Variants in PCDH15 observed in about 807,000 individuals in gnomAD.
PCDH15 encodes protocadherin-15.
A neutral mutation model predicts 178.5 loss-of-function variants in PCDH15; 129 were observed. The observed-to-expected ratio is 0.72, with a 90% CI of 0.63 to 0.84. The LOEUF (loss-of-function observed/expected upper bound fraction) is 0.84. Ranked by LOEUF, PCDH15 falls within the 40% of genes least tolerant of loss-of-function variation. The probability of loss-of-function intolerance (pLI) is 0.00; values close to 1 mark genes in which losing one functional copy is unlikely to be tolerated. For missense variants in PCDH15, 2,230 were observed against 2,099.9 expected (o/e 1.06, Z -1.21); for synonymous variants, 800 against 732.0 (o/e 1.09, Z -1.50).
chr10:54,458,590 T>C (rs192791161), intron 3 of PCDH15, among the ~76,000 whole-genome samples: 20 of 152,264 alleles, frequency 1.3e-4, no homozygotes, highest in African/African-American at 4.6e-4. Flanking sequence ...GGTGAATCTT[T>C]CCTATGGCTA....
At chr10:55,421,015 A>C (rs2132045437) in intron 2 of PCDH15, among the ~76,000 whole-genome samples, 1 of 151,820 alleles carries the variant, frequency 6.6e-6, no homozygotes, top group Admixed American at 6.6e-5. Context: ...AAATAGACAA[A>C]GTTTTTGAGC....
chr10:54,690,353 A>G (rs1224591725), intron 1 of PCDH15, among the ~76,000 whole-genome samples: 1 of 127,466 alleles, frequency 7.8e-6, no homozygotes, highest in Non-Finnish European at 1.6e-5. Context: ...CTCTGTTGCC[A>G]GGCTGGGCTG....
At chr10:54,673,950 G>A (rs2094730075) in intron 1 of PCDH15, among the ~76,000 whole-genome samples, 1 of 152,132 alleles carries the variant, frequency 6.6e-6, no homozygotes, top group South Asian at 2.1e-4. Flanking sequence ...ACATGTTTAA[G>A]TAGAATGAAT....
At chr10:54,367,622 C>G (rs961447211) in intron 5 of PCDH15, among the ~76,000 whole-genome samples, 1 of 151,740 alleles carries the variant, frequency 6.6e-6, no homozygotes, top group Non-Finnish European at 1.5e-5. Context: ...CACCTGGACA[C>G]AGGGAGGAAA....
At chr10:54,455,963 G>C (rs1446254419) in intron 3 of PCDH15, among the ~76,000 whole-genome samples, 2 of 152,214 alleles carry the variant, frequency 1.3e-5, no homozygotes, top group Non-Finnish European at 2.9e-5. Context: ...GTACACAGAA[G>C]TCAAGAATAG....
chr10:54,950,246 G>C (rs893372535), intron 2 of PCDH15, among the ~76,000 whole-genome samples: 4 of 151,922 alleles, frequency 2.6e-5, no homozygotes, highest in African/African-American at 9.7e-5. Flanking sequence ...GGGAAGCAAG[G>C]CATCTTCTTC....
At chr10:54,058,755 G>T (rs1409197379) in intron 18 of PCDH15, among the ~76,000 whole-genome samples, 1 of 150,868 alleles carries the variant, frequency 6.6e-6, no homozygotes, top group African/African-American at 2.4e-5. Context: ...GTGCAGTGGT[G>T]CAATCTCAAC....
chr10:54,780,889 A>G (rs1950293675), intron 1 of PCDH15, among the ~76,000 whole-genome samples: 1 of 152,136 alleles, frequency 6.6e-6, no homozygotes, highest in South Asian at 2.1e-4. Flanking sequence ...TAAATCAGAA[A>G]CTTAAAATGG....
At chr10:54,642,191 G>A (rs1221861635) in intron 2 of PCDH15, among the ~76,000 whole-genome samples, 1 of 152,112 alleles carries the variant, frequency 6.6e-6, no homozygotes, top group African/African-American at 2.4e-5. Context: ...TCTGTCATGT[G>A]AGAGCACAGA....
intron 2 of PCDH15, among the ~76,000 whole-genome samples, chr10:54,916,425 T>C (rs1034514087): frequency 2.0e-5 from 3 of 152,218 alleles, no homozygotes; most frequent in Non-Finnish European, 4.4e-5. Context: ...ATGTATTATA[T>C]GGATATGGCA....
intron 3 of PCDH15, among the ~76,000 whole-genome samples, chr10:54,470,070 T>C (rs981420130): frequency 5.3e-5 from 8 of 152,118 alleles, no homozygotes; most frequent in Non-Finnish European, 1.0e-4. Context: ...AGCCCCCCGG[T>C]AGTGTTTACA....
chr10:55,434,077 CTT>C (rs60921527), intron 2 of PCDH15, among the ~76,000 whole-genome samples: 2 of 90,826 alleles, frequency 2.2e-5, no homozygotes, highest in Non-Finnish European at 3.9e-5. Flanking sequence ...CTTTTCTTTT[CTT>C]TTTTTTTTTT....
chr10:54,146,950 GTA>G (rs36195637), intron 14 of PCDH15, among the ~76,000 whole-genome samples: 78 of 78,408 alleles, frequency 9.9e-4, no homozygotes, highest in South Asian at 4.2e-3. Context: ...TATATATAGT[GTA>G]TATATATATA....
rs727505253 is a variant in PCDH15, at chr10:54,378,939, G to A, written c.161C>T (p.Thr54Ile). Reference sequence around the variant, plus strand: ...GATCAGCATGTTGTCCACCAGAATTGTACCTGCAAACCAAAGAAAGGTACT... The same window carrying A: ...GATCAGCATGTTGTCCACCAGAATTATACCTGCAAACCAAAGAAAGGTACT... ...VAIDEESRNG[T>I]ILVDNMLIKG... Residue 54 changes from threonine (T) to isoleucine (I), a missense_variant, in exon 4 of 38, where the codon ACA (threonine) becomes ATA (isoleucine). Transcript: ENST00000644397. The A allele has an allele frequency of 3.1e-6, 5 of 1,613,472 alleles. No homozygotes were observed. The highest frequency in any genetic ancestry group is 4.2e-6 in the Non-Finnish European group (5 of 1,179,732).
At chr10:54,220,643 G>A (rs1376982318) in intron 9 of PCDH15, among the ~76,000 whole-genome samples, 1 of 152,022 alleles carries the variant, frequency 6.6e-6, no homozygotes, top group Admixed American at 6.6e-5. Context: ...GGCTAACACG[G>A]TGAAACCCCG....
intron 32 of PCDH15, chr10:53,823,425 G>A (rs372525229): frequency 2.5e-5 from 36 of 1,425,686 alleles, no homozygotes; most frequent in African/African-American, 1.5e-4. Context: ...TGAGAAAGAT[G>A]TTTTTATGGC....
At chr10:54,930,803 A>C (rs1190229013) in intron 2 of PCDH15, among the ~76,000 whole-genome samples, 2 of 152,202 alleles carry the variant, frequency 1.3e-5, no homozygotes, top group African/African-American at 4.8e-5. Context: ...GTAGGAATTC[A>C]GTTAATAGTT....
chr10:55,364,979 T>G (rs1845320460), intron 2 of PCDH15, among the ~76,000 whole-genome samples: 1 of 152,178 alleles, frequency 6.6e-6, no homozygotes, highest in East Asian at 1.9e-4. Flanking sequence ...AATTATCTTA[T>G]TTGTCTGCCA....
chr10:54,402,841 CACA>C (rs1952109560), intron 3 of PCDH15, among the ~76,000 whole-genome samples: 1 of 151,908 alleles, frequency 6.6e-6, no homozygotes, highest in Non-Finnish European at 1.5e-5. Flanking sequence ...TTCCTTAAGA[CACA>C]ACAATATTAA....
Sources: allele counts gnomAD v4.1 joint callset (sites outside exome capture counted in the v4.1 genomes callset), GRCh38; gene constraint gnomAD v4.1.1; transcripts MANE v1.5; gene names NCBI Gene and HGNC (gene_info 2026-07-23, HGNC 2026-07-21).